The following GPC6 variants were observed in gnomAD, a reference collection of about 807,000 sequenced individuals.
GPC6 encodes glypican-6.
GPC6 carries 14 observed loss-of-function variants against 55.2 expected under a neutral mutation model. That is an observed-to-expected ratio of 0.25 (90% CI 0.17 to 0.40). The LOEUF is 0.40. Ranked by LOEUF, GPC6 falls within the 10% of genes least tolerant of loss-of-function variation. The pLI is 1.00. For synonymous variants in GPC6, 278 were observed against 259.6 expected, an observed-to-expected ratio of 1.07 and a Z score of -0.68; for missense variants, 641 against 708.5, an observed-to-expected ratio of 0.90 and a Z score of 1.08.
chr13:93,783,303 T>C (rs1452456553), intron 2 of GPC6, among the ~76,000 whole-genome samples: 1 of 152,186 alleles, frequency 6.6e-6, no homozygotes, highest in African/African-American at 2.4e-5. Flanking sequence ...ATCGTTATAA[T>C]AGAATGATTT....
intron 1 of GPC6, among the ~76,000 whole-genome samples, chr13:93,240,784 TC>T (rs1876400912): frequency 1.3e-5 from 2 of 152,192 alleles, no homozygotes; most frequent in South Asian, 4.1e-4. Context: ...TATAGAACTT[TC>T]ATTCTGATGT....
At chr13:93,249,321 TA>T (rs1394149909) in intron 1 of GPC6, among the ~76,000 whole-genome samples, 2 of 152,228 alleles carry the variant, frequency 1.3e-5, no homozygotes, top group African/African-American at 2.4e-5. Flanking sequence ...ATTTTAATCC[TA>T]AAAATTGCTG....
At chr13:93,271,928 C>G (rs770862066) in intron 1 of GPC6, among the ~76,000 whole-genome samples, 36 of 152,120 alleles carry the variant, frequency 2.4e-4, no homozygotes, top group Non-Finnish European at 4.6e-4. Flanking sequence ...CATTAATTAA[C>G]TCCTTTAGTT....
At chr13:94,219,971 T>G (rs1158295317) in intron 4 of GPC6, among the ~76,000 whole-genome samples, 1 of 152,102 alleles carries the variant, frequency 6.6e-6, no homozygotes, top group East Asian at 1.9e-4. Context: ...AGTCAAAGTT[T>G]TTTCCATTGC....
intron 4 of GPC6, among the ~76,000 whole-genome samples, chr13:94,106,348 G>T (rs1406401311): frequency 1.3e-5 from 2 of 152,178 alleles, no homozygotes; most frequent in East Asian, 3.9e-4. Context: ...TGACTTTTTT[G>T]AAAAAGTTTC....
intron 6 of GPC6, among the ~76,000 whole-genome samples, chr13:94,365,177 C>G (rs1177948580): frequency 2.0e-5 from 3 of 152,184 alleles, no homozygotes; most frequent in African/African-American, 4.8e-5. Context: ...AAACGGATCT[C>G]TGTGAGCACA....
At chr13:94,078,427 T>C (rs149062906) in intron 4 of GPC6, among the ~76,000 whole-genome samples, 2,031 of 151,746 alleles carry the variant, frequency 0.013, 22 homozygotes, top group Admixed American at 0.023. Context: ...ATAAACAAAA[T>C]AGAGGTTGGA....
intron 3 of GPC6, among the ~76,000 whole-genome samples, chr13:93,918,646 A>G (rs778855035): frequency 6.6e-6 from 1 of 152,188 alleles, no homozygotes; most frequent in Non-Finnish European, 1.5e-5. Context: ...CTCAGAAACA[A>G]CACCATCAGT....
intron 4 of GPC6, among the ~76,000 whole-genome samples, chr13:94,123,828 C>T (rs1886718531): frequency 6.6e-6 from 1 of 152,034 alleles, no homozygotes; most frequent in African/African-American, 2.4e-5. Flanking sequence ...AACAAAGATT[C>T]TGCATGTTTG....
intron 6 of GPC6, among the ~76,000 whole-genome samples, chr13:94,327,966 C>G (rs889502103): frequency 3.9e-5 from 6 of 152,068 alleles, no homozygotes; most frequent in African/African-American, 1.4e-4. Context: ...GCTTCCTCCC[C>G]CTTCCCCTCC....
rs1875849597 is a variant in GPC6, at chr13:93,227,753, T to C, written c.160+137T>C. On this transcript the variant is annotated intron_variant, in intron 1 of 8. Transcript: ENST00000377047. This position sits in a 1 kb window ranked among gnomAD's most constrained non-coding sequence, Gnocchi z 4.3. ...TGCCACCGCTATGGGACTCCGCGTC[T>C]CCGTGTTGGGCGGCGGATGCTCCTG... is the stretch of plus-strand genomic sequence containing the variant. The C allele has an allele frequency of 2.9e-6, 2 of 678,324 alleles. No homozygotes were observed. Among genetic ancestry groups the C allele is most frequent in the Non-Finnish European group, 4.9e-6 (2 of 408,170 alleles). 42.0% of individuals were successfully genotyped at this position (678,324 alleles called of 1,614,324 possible).
chr13:93,833,992 G>C (rs1311436519), intron 3 of GPC6, among the ~76,000 whole-genome samples: 2 of 152,072 alleles, frequency 1.3e-5, no homozygotes, highest in Non-Finnish European at 2.9e-5. Flanking sequence ...TGACCATTTT[G>C]AGCATGTCAA....
intron 4 of GPC6, among the ~76,000 whole-genome samples, chr13:94,226,794 T>C (rs1045402473): frequency 6.6e-6 from 1 of 152,108 alleles, no homozygotes; most frequent in African/African-American, 2.4e-5. Context: ...ACCCTCAACA[T>C]TGGCAAGGGT....
chr13:94,185,723 C>T (rs1346629829), intron 4 of GPC6, among the ~76,000 whole-genome samples: 1 of 152,066 alleles, frequency 6.6e-6, no homozygotes, highest in Non-Finnish European at 1.5e-5. Flanking sequence ...GTCATCTTGG[C>T]ATCCCCAGCG....
rs74111521 is a variant in GPC6 at position 93,650,701 on chromosome 13, G to A, written c.319+105280G>A. Reference sequence around the variant, plus strand: ...ACTACTCAGATAAAAGGCCACATAAGCTTATTGTTTTAACATTCCTAGTCA... The same window carrying A: ...ACTACTCAGATAAAAGGCCACATAAACTTATTGTTTTAACATTCCTAGTCA... On this transcript the variant is annotated intron_variant, in intron 2 of 8. Coordinates refer to ENST00000377047, the MANE Select transcript of GPC6 (RefSeq NM_005708.5). 2.9e-3 allele frequency among the ~76,000 whole-genome samples: 439 copies of A among 152,214 alleles called. 4 individuals carry two copies. Among genetic ancestry groups the A allele is most frequent in the African/African-American group, 9.7e-3 (404 of 41,548 alleles).
In GPC6 at chr13:94,044,230, G is replaced by A. The variant is rs577599264; in HGVS notation, c.877+16336G>A. ...TTCTTTTGCACGTATAAGTAGATATGTGTGTATTTGATTATATTTCCTTTT... is the reference window on the plus strand; with the variant it reads ...TTCTTTTGCACGTATAAGTAGATATATGTGTATTTGATTATATTTCCTTTT... On this transcript the variant is annotated intron_variant, in intron 4 of 8. Coordinates refer to ENST00000377047, the MANE Select transcript of GPC6 (RefSeq NM_005708.5). Among the ~76,000 whole-genome samples, 14 of 151,938 alleles carry A rather than the reference G, an allele frequency of 9.2e-5. No homozygotes were observed. The South Asian group carries it at 1.9e-3, about 20-fold the overall frequency.
intron 3 of GPC6, among the ~76,000 whole-genome samples, chr13:93,965,368 G>A (rs780853125): frequency 4.8e-4 from 73 of 152,056 alleles, no homozygotes; most frequent in Non-Finnish European, 7.5e-4. Context: ...CCGAGATTGC[G>A]CCACTGCATT....
intron 4 of GPC6, 146 bp from the exon 5 acceptor site, chr13:94,286,203 T>C: frequency 1.5e-6 from 1 of 687,830 alleles, no homozygotes; most frequent in South Asian, 1.8e-5. Flanking sequence ...TTCAGTCATC[T>C]ATTTCATTTT....
intron 3 of GPC6, among the ~76,000 whole-genome samples, chr13:93,902,182 CTT>C (rs1274085191): frequency 1.3e-5 from 2 of 152,066 alleles, no homozygotes; most frequent in African/African-American, 4.8e-5. Context: ...CTAACTGTAA[CTT>C]TGCACCCATT....
Sources: allele counts gnomAD v4.1 joint callset (sites outside exome capture counted in the v4.1 genomes callset), GRCh38; gene constraint gnomAD v4.1.1; non-coding constraint Gnocchi (gnomAD v3.1); transcripts MANE v1.5; gene names NCBI Gene and HGNC (gene_info 2026-07-23, HGNC 2026-07-21).